Variants in CORO1C observed in about 807,000 individuals in gnomAD.
CORO1C encodes coronin-1C.
Under a neutral mutation model 51.2 loss-of-function variants are expected in CORO1C, and 14 were observed. The observed-to-expected ratio is 0.27, with a 90% confidence interval of 0.18 to 0.43. The LOEUF (loss-of-function observed/expected upper bound fraction) is 0.43, where lower values mean the gene tolerates loss of function less well. Among genes scored for constraint, CORO1C ranks in the 20% least tolerant of loss-of-function variants. The pLI is 1.00. For missense variants in CORO1C, 417 were observed against 607.8 expected (o/e 0.69, Z 3.30); for synonymous variants, 181 against 210.5 (o/e 0.86, Z 1.21).
At chr12:108,704,622 A>G (rs989358336) in intron 1 of CORO1C, among the ~76,000 whole-genome samples, 4 of 152,266 alleles carry the variant, frequency 2.6e-5, no homozygotes, top group Admixed American at 2.6e-4. Flanking sequence ...GTGCTTCCGC[A>G]GTGCTGTGCT....
intron 2 of CORO1C, among the ~76,000 whole-genome samples, chr12:108,698,993 C>A (rs976438494): frequency 4.6e-5 from 7 of 152,160 alleles, no homozygotes; most frequent in Non-Finnish European, 1.0e-4. Flanking sequence ...CAGGGCTTAG[C>A]TTATACCAAT....
Position 108,678,387 on chromosome 12 carries a change from C to A in CORO1C, c.203G>T (p.Arg68Leu). ...FLVLPLHKTGRIDKSYPTVCG... is the reference protein window; with the variant it reads ...FLVLPLHKTGLIDKSYPTVCG... ...TACTGTAGGGTAAGATTTGTCAATT[C>A]GACCAGTCTGAAAGAAGAGAGAAAC... The change falls in exon 3 of 11, where the codon CGA becomes CTA. Residue 68 changes from arginine (R) to leucine (L), a missense_variant. Coordinates refer to ENST00000261401, the MANE Select transcript of CORO1C (RefSeq NM_014325.4). 6.3e-7 allele frequency: 1 copy of A among 1,585,326 alleles called. No homozygotes were observed. Among genetic ancestry groups the A allele is most frequent in the Non-Finnish European group, 8.6e-7 (1 of 1,164,866 alleles).
chr12:108,675,742 G>C (rs1407500765), intron 3 of CORO1C, among the ~76,000 whole-genome samples: 1 of 152,194 alleles, frequency 6.6e-6, no homozygotes, highest in East Asian at 1.9e-4. Flanking sequence ...ACTGGATATA[G>C]GCACAGAATA....
chr12:108,669,070 G>C (rs2033612485), intron 3 of CORO1C, among the ~76,000 whole-genome samples: 2 of 152,156 alleles, frequency 1.3e-5, no homozygotes, highest in East Asian at 1.9e-4. Flanking sequence ...TACATGAAAG[G>C]TAAACTGTGT....
intron 3 of CORO1C, 31 bp downstream of exon 3, chr12:108,678,241 C>T (rs2033981033): frequency 6.3e-7 from 1 of 1,595,724 alleles, no homozygotes; most frequent in South Asian, 1.1e-5. Context: ...GTCTCACTGG[C>T]CTGTGTGCAC....
At chr12:108,654,811 T>C (rs976524627) in intron 6 of CORO1C, among the ~76,000 whole-genome samples, 5 of 152,066 alleles carry the variant, frequency 3.3e-5, no homozygotes, top group African/African-American at 4.8e-5. Context: ...CAAGCGATTT[T>C]CCTGCCTCAG....
At chr12:108,730,113 T>C (rs1374305791) in intron 1 of CORO1C, 6 of 152,236 alleles carry the variant, frequency 3.9e-5, no homozygotes, top group African/African-American at 1.4e-4. Context: ...TTTTCAAATG[T>C]CTTATAGGAG....
At chr12:108,683,486 T>C (rs1468595583) in intron 2 of CORO1C, among the ~76,000 whole-genome samples, 1 of 105,422 alleles carries the variant, frequency 9.5e-6, no homozygotes, top group Non-Finnish European at 2.0e-5. Context: ...TCAACTAAAC[T>C]GGATAGATCA....
intron 1 of CORO1C, among the ~76,000 whole-genome samples, chr12:108,716,966 TG>T (rs1428659168): frequency 6.6e-6 from 1 of 152,250 alleles, no homozygotes; most frequent in Non-Finnish European, 1.5e-5. Context: ...CAAGCAGACC[TG>T]GCCCCTGCTC....
At chr12:108,657,272 G>A (rs1406043751) in intron 6 of CORO1C, 32 bp downstream of exon 6, 1 of 1,606,646 alleles carries the variant, frequency 6.2e-7, no homozygotes, top group East Asian at 2.2e-5. Context: ...AAGCTCAAGT[G>A]AAAGCAAGTG....
rs2034766814 is a variant in CORO1C, at chr12:108,698,616, A to G, written c.195+2508T>C. ...GAGACGAGGTTTCACCACGTTGTCC[A>G]GGCTGGTCTCGAACTCCTGACCTCA... On this transcript the variant is annotated intron_variant, in intron 2 of 10. Coordinates refer to ENST00000261401, the MANE Select transcript of CORO1C (RefSeq NM_014325.4). Among the ~76,000 whole-genome samples the G allele has an allele frequency of 2.0e-5, 3 of 152,242 alleles. No homozygotes were observed. In the South Asian group the frequency reaches 6.2e-4, roughly 31 times the overall value.
rs1165029919 is a variant in CORO1C at position 108,716,183 on chromosome 12, C to T, written c.-5-14860G>A. Reference sequence around the variant, plus strand: ...ATCCTTGAATATGTTTCTAAACATTCTTTCTATATTGATGACCTACTTTTC... The same window carrying T: ...ATCCTTGAATATGTTTCTAAACATTTTTTCTATATTGATGACCTACTTTTC... On this transcript the variant is annotated intron_variant, in intron 1 of 10. Coordinates refer to ENST00000261401, the MANE Select transcript of CORO1C (RefSeq NM_014325.4). 2.3e-5 allele frequency among the ~76,000 whole-genome samples: 3 copies of T among 130,680 alleles called. No homozygotes were observed. In the East Asian group the frequency reaches 7.1e-4, roughly 31 times the overall value. 85.7% of individuals were successfully genotyped at this position (130,680 alleles called of 152,430 possible).
At chr12:108,662,474 G>A (rs981419940) in intron 3 of CORO1C, among the ~76,000 whole-genome samples, 1 of 151,926 alleles carries the variant, frequency 6.6e-6, no homozygotes, top group Non-Finnish European at 1.5e-5. Context: ...CCCAAGTATC[G>A]GCTGTTTTTA....
At chr12:108,665,818 C>T (rs2033454350) in intron 3 of CORO1C, among the ~76,000 whole-genome samples, 1 of 152,210 alleles carries the variant, frequency 6.6e-6, no homozygotes, top group Admixed American at 6.5e-5. Flanking sequence ...TGACTGAATT[C>T]CTGATTCAGT....
intron 2 of CORO1C, among the ~76,000 whole-genome samples, chr12:108,688,591 A>C (rs2034383643): frequency 6.6e-6 from 1 of 152,230 alleles, no homozygotes; most frequent in Admixed American, 6.5e-5. Flanking sequence ...GTGGTTGAAG[A>C]CACTACCAAT....
chr12:108,655,323 T>A (rs998057588), intron 6 of CORO1C, among the ~76,000 whole-genome samples: 15 of 152,246 alleles, frequency 9.9e-5, no homozygotes, highest in Non-Finnish European at 1.9e-4. Context: ...AGATTCTTCA[T>A]TCTTTTTAAA....
chr12:108,709,187 A>G (rs1352556384), intron 1 of CORO1C, among the ~76,000 whole-genome samples: 6 of 152,136 alleles, frequency 3.9e-5, no homozygotes, highest in Admixed American at 1.3e-4. Flanking sequence ...TATGTGAATT[A>G]TATCTCCAAA....
rs182992734 is a variant in CORO1C at position 108,678,490 on chromosome 12, A to G, written c.196-96T>C. ...ATTTCTCATTTATTACCTCCACCCAAAACTCTCAATTTTCTAGATATGACA... is the reference window on the plus strand; with the variant it reads ...ATTTCTCATTTATTACCTCCACCCAGAACTCTCAATTTTCTAGATATGACA... On this transcript the variant is annotated intron_variant, in intron 2 of 10. Coordinates refer to ENST00000261401, the MANE Select transcript of CORO1C (RefSeq NM_014325.4). 6 of 1,080,862 alleles carry G rather than the reference A, an allele frequency of 5.6e-6. No homozygotes were observed. The Admixed American group carries it at 1.4e-4, about 25-fold the overall frequency. The allele number at this position is 1,080,862 out of a possible 1,614,324, so 67.0% of individuals were successfully genotyped here.
intron 2 of CORO1C, among the ~76,000 whole-genome samples, chr12:108,685,307 A>T (rs1159348689): frequency 6.6e-6 from 1 of 152,198 alleles, no homozygotes; most frequent in African/African-American, 2.4e-5. Context: ...CTAGAGCTCA[A>T]CATTTTCTCT....
Sources: gnomAD v4.1 joint callset for allele counts (sites outside exome capture counted in the v4.1 genomes callset) on GRCh38, gnomAD v4.1.1 for gene constraint, MANE v1.5 for transcripts, NCBI Gene and HGNC (gene_info 2026-07-23, HGNC 2026-07-21) for gene names.